FRMD5: variants seen among roughly 807,000 people sequenced by gnomAD.
FRMD5 encodes FERM domain-containing protein 5.
Under a neutral mutation model 69.0 loss-of-function variants are expected in FRMD5, and 20 were observed. The observed-to-expected ratio is 0.29, with a 90% confidence interval of 0.20 to 0.42. The LOEUF (loss-of-function observed/expected upper bound fraction) is 0.42, where lower values mean the gene tolerates loss of function less well. Among genes scored for constraint, FRMD5 ranks in the 10% least tolerant of loss-of-function variants. The pLI, the probability that FRMD5 is intolerant of heterozygous loss-of-function variation, is 1.00. For synonymous variants in FRMD5, 271 were observed against 260.1 expected, an observed-to-expected ratio of 1.04 and a Z score of -0.40; for missense variants, 595 against 708.6, an observed-to-expected ratio of 0.84 and a Z score of 1.82.
At chr15:44,158,373 G>A (rs969356940) in intron 1 of FRMD5, among the ~76,000 whole-genome samples, 4 of 152,148 alleles carry the variant, frequency 2.6e-5, no homozygotes, top group African/African-American at 4.8e-5. Flanking sequence ...TCATTCCAAT[G>A]TCTTTTCACT....
chr15:43,977,099 G>A lies in FRMD5; in HGVS notation c.103-52790C>T, dbSNP rs149446189. Among the ~76,000 whole-genome samples, 23 of 152,198 alleles carry A rather than the reference G, an allele frequency of 1.5e-4. No homozygotes were observed. In the South Asian group the frequency reaches 3.1e-3, roughly 21 times the overall value. ...TACAGCTGCCTCAGCCTCCCAAAGCGCTGGGATTACAGGTGTGAGCCACTG... is the reference window on the plus strand; with the variant it reads ...TACAGCTGCCTCAGCCTCCCAAAGCACTGGGATTACAGGTGTGAGCCACTG... On this transcript the variant is annotated intron_variant, in intron 1 of 13. Transcript: ENST00000417257.
chr15:43,966,415 G>C (rs1037458554), intron 1 of FRMD5, among the ~76,000 whole-genome samples: 1 of 151,836 alleles, frequency 6.6e-6, no homozygotes, highest in African/African-American at 2.4e-5. Flanking sequence ...CATCTAACTG[G>C]GCAGGATAGG....
chr15:44,194,903 T>C, intron 1 of FRMD5, 50 bp downstream of exon 1: 1 of 1,454,022 alleles, frequency 6.9e-7, no homozygotes, highest in Non-Finnish European at 9.3e-7. Context: ...TTGACCAGAC[T>C]TGGGGGACAA....
intron 1 of FRMD5, chr15:44,194,692 C>A (rs1259843839): frequency 1.9e-5 from 10 of 525,262 alleles, no homozygotes; most frequent in Non-Finnish European, 3.1e-5. Flanking sequence ...GGCGCCCTCA[C>A]CCAGGGAGAG....
At chr15:44,174,734 G>A (rs2077863785) in intron 1 of FRMD5, among the ~76,000 whole-genome samples, 1 of 152,128 alleles carries the variant, frequency 6.6e-6, no homozygotes, top group African/African-American at 2.4e-5. Context: ...GTTATGACAA[G>A]ATAGTGCACT....
intron 1 of FRMD5, among the ~76,000 whole-genome samples, chr15:44,140,408 G>A (rs1028343914): frequency 5.3e-5 from 8 of 151,948 alleles, no homozygotes; most frequent in African/African-American, 1.5e-4. Context: ...ACAACTAAAC[G>A]TGTAAAGAGG....
chr15:44,050,616 T>C (rs1892620396), intron 1 of FRMD5, among the ~76,000 whole-genome samples: 1 of 146,658 alleles, frequency 6.8e-6, no homozygotes, highest in African/African-American at 2.5e-5. Flanking sequence ...GTGATCCTCA[T>C]GCTTCAGCCT....
chr15:43,896,121 G>C (rs902541336), intron 7 of FRMD5, among the ~76,000 whole-genome samples: 1 of 152,200 alleles, frequency 6.6e-6, no homozygotes, highest in Non-Finnish European at 1.5e-5. Flanking sequence ...TCGGGAGGTG[G>C]AAAACAAACT....
intron 8 of FRMD5, among the ~76,000 whole-genome samples, chr15:43,889,784 GTC>G (rs2088751712): frequency 6.6e-6 from 1 of 152,148 alleles, no homozygotes; most frequent in African/African-American, 2.4e-5. Flanking sequence ...GCCCTCTGGA[GTC>G]TCTCAGCCCT....
intron 1 of FRMD5, among the ~76,000 whole-genome samples, chr15:44,180,509 G>A (rs1414812666): frequency 6.6e-6 from 1 of 152,118 alleles, no homozygotes; most frequent in Non-Finnish European, 1.5e-5. Flanking sequence ...TACTGGCCAG[G>A]CGCGGCAGCT....
intron 1 of FRMD5, among the ~76,000 whole-genome samples, chr15:44,073,700 A>G (rs1893635578): frequency 6.6e-6 from 1 of 152,134 alleles, no homozygotes; most frequent in Admixed American, 6.5e-5. Context: ...TCTCAAGTTA[A>G]TAACATGCAC....
chr15:44,094,796 CA>C (rs1184769239), intron 1 of FRMD5, among the ~76,000 whole-genome samples: 7 of 152,074 alleles, frequency 4.6e-5, no homozygotes, highest in Non-Finnish European at 1.0e-4. Context: ...GCAATTAGTT[CA>C]AAAGCCATTT....
At chr15:44,005,008 C>G (rs559657195) in intron 1 of FRMD5, among the ~76,000 whole-genome samples, 6 of 152,316 alleles carry the variant, frequency 3.9e-5, no homozygotes, top group African/African-American at 1.4e-4. Context: ...GAAGATCACA[C>G]AAGACACAGC....
intron 1 of FRMD5, among the ~76,000 whole-genome samples, chr15:44,013,549 A>G (rs1890819366): frequency 6.6e-6 from 1 of 152,234 alleles, no homozygotes; most frequent in Admixed American, 6.5e-5. Context: ...GAATGAGTCA[A>G]CGAATAAAGT....
intron 1 of FRMD5, among the ~76,000 whole-genome samples, chr15:44,111,513 C>T (rs927198246): frequency 1.3e-5 from 2 of 152,160 alleles, no homozygotes; most frequent in African/African-American, 4.8e-5. Context: ...AAAGCAACTG[C>T]TAGTATCCTT....
chr15:44,149,734 CCA>C (rs1479205026), intron 1 of FRMD5, among the ~76,000 whole-genome samples: 1 of 151,908 alleles, frequency 6.6e-6, no homozygotes. Flanking sequence ...TAATAACAGA[CCA>C]TCAAAATATA....
intron 1 of FRMD5, among the ~76,000 whole-genome samples, chr15:43,929,038 A>G (rs2089632331): frequency 6.6e-6 from 1 of 152,228 alleles, no homozygotes; most frequent in Non-Finnish European, 1.5e-5. Flanking sequence ...CATATTTGAA[A>G]ATACTAGTGC....
chr15:44,067,416 G>A (rs1893356551), intron 1 of FRMD5, among the ~76,000 whole-genome samples: 1 of 152,202 alleles, frequency 6.6e-6, no homozygotes, highest in African/African-American at 2.4e-5. Context: ...AGAGGACACT[G>A]ACTTAATCAG....
intron 5 of FRMD5, among the ~76,000 whole-genome samples, chr15:43,908,092 C>A (rs9788701): frequency 6.6e-6 from 1 of 152,138 alleles, no homozygotes; most frequent in African/African-American, 2.4e-5. Flanking sequence ...GCCAGGCTTT[C>A]TCTTTAAAAA....
Sources: allele counts gnomAD v4.1 joint callset (sites outside exome capture counted in the v4.1 genomes callset), GRCh38; gene constraint gnomAD v4.1.1; transcripts MANE v1.5; gene names NCBI Gene and HGNC (gene_info 2026-07-23, HGNC 2026-07-21).